Variants in KDM2B observed in about 807,000 individuals in gnomAD.
The protein encoded by KDM2B is lysine demethylase 2B, also known as lysine-specific demethylase 2B.
In KDM2B, 26 loss-of-function variants were observed where a neutral mutation model predicts 150.0. The ratio of observed to expected loss-of-function variants is 0.17; its 90% confidence interval spans 0.13 to 0.24. KDM2B has a LOEUF of 0.24. KDM2B is among the 10% of genes least tolerant of loss of function. KDM2B has a pLI of 1.00. For missense variants in KDM2B, 1,265 were observed against 1,816.9 expected (o/e 0.70, Z 5.52); for synonymous variants, 734 against 729.5 (o/e 1.01, Z -0.10).
chr12:121,579,994 A>T, intron 1 of KDM2B: 6 of 1,516,270 alleles, frequency 4.0e-6, no homozygotes, highest in Non-Finnish European at 5.3e-6. Context: ...ATTTGGAAAA[A>T]AAAAAAAAAA....
intron 12 of KDM2B, among the ~76,000 whole-genome samples, chr12:121,460,529 A>C (rs913893383): frequency 2.0e-5 from 3 of 152,182 alleles, no homozygotes; most frequent in Non-Finnish European, 4.4e-5. Flanking sequence ...CCTCCTTAGT[A>C]GCCGAGATAC....
intron 4 of KDM2B, among the ~76,000 whole-genome samples, chr12:121,573,512 C>T (rs1188721159): frequency 6.6e-6 from 1 of 151,718 alleles, no homozygotes; most frequent in African/African-American, 2.4e-5. Flanking sequence ...TGGGCTCAAG[C>T]GATCTGCCTG....
chr12:121,479,951 TGTTCTCACCCTGCCTAGA>T (rs1489624493), intron 12 of KDM2B, among the ~76,000 whole-genome samples: 1 of 152,004 alleles, frequency 6.6e-6, no homozygotes, highest in Non-Finnish European at 1.5e-5. Context: ...AGGGTCTTGC[TGTTCTCACCCTGCCTAGA>T]GTGCAATGGT....
intron 11 of KDM2B, among the ~76,000 whole-genome samples, chr12:121,503,159 G>A (rs1459135382): frequency 2.6e-5 from 4 of 151,948 alleles, no homozygotes; most frequent in Non-Finnish European, 5.9e-5. Flanking sequence ...TGTATTTTTA[G>A]TAGAGATGGG....
At chr12:121,501,035 G>C (rs1347024100) in intron 11 of KDM2B, among the ~76,000 whole-genome samples, 2 of 151,808 alleles carry the variant, frequency 1.3e-5, no homozygotes, top group Non-Finnish European at 2.9e-5. Flanking sequence ...CAGGAGGCGG[G>C]GGTTGTGGTG....
chr12:121,443,728 G>C lies in KDM2B; in HGVS notation c.2517C>G (p.Ser839Arg). The stretch of plus-strand genomic sequence containing the variant: ...TGGATCTCCACCAGGGGCTGAGGCT[G>C]CTGCCTAGAGGGGGCCTCGGCGAGA... ...SHLSPRPPLG[S>R]SLSPWWRSSL... Residue 839 changes from serine (S) to arginine (R), a missense_variant, in exon 17 of 23, where the codon AGC becomes AGG. Ser to Arg is a moderately radical substitution (Grantham distance 110, BLOSUM62 -1). Around this residue, in one of 11 missense-constraint regions of KDM2B, gnomAD observed 418 missense variants for 402.4 expected, o/e 1.04. Coordinates refer to ENST00000377071, the MANE Select transcript of KDM2B (RefSeq NM_032590.5). 6.2e-7 allele frequency: 1 copy of C among 1,611,880 alleles called. No homozygotes were observed. Among genetic ancestry groups the C allele is most frequent in the Non-Finnish European group, 8.5e-7 (1 of 1,179,804 alleles).
intron 8 of KDM2B, among the ~76,000 whole-genome samples, chr12:121,529,249 G>C (rs1159030690): frequency 2.0e-5 from 3 of 152,184 alleles, no homozygotes; most frequent in Admixed American, 6.5e-5. Context: ...CATCTGAATA[G>C]ACACAGAAAA....
intron 1 of KDM2B, chr12:121,580,254 G>T (rs536991976): frequency 1.7e-5 from 21 of 1,241,576 alleles, no homozygotes; most frequent in Admixed American, 7.9e-5. Flanking sequence ...AGCAGTTGTG[G>T]GGGGGGGGAG....
chr12:121,513,336 A>C lies in KDM2B; in HGVS notation c.1114T>G (p.Tyr372Asp). 1 of 1,613,632 alleles carries C rather than the reference A, an allele frequency of 6.2e-7. No individual in the cohort carries two copies. The highest frequency in any genetic ancestry group is 1.1e-5 in the South Asian group (1 of 91,072). Residue 372 changes from tyrosine (Y) to aspartate (D), a missense_variant, in exon 10 of 23, where the codon TAC (tyrosine) becomes GAC (aspartate). Physicochemically the swap from Tyr to Asp is radical, Grantham distance 160. This residue lies in a region of KDM2B where 214 missense variants were observed against 447.4 expected (regional missense o/e 0.48). Transcript: ENST00000377071. The surrounding 1 kb of genome is among the most constrained non-coding windows in gnomAD (Gnocchi z 5.0). ...AGGTGGGAGCGCTGGGTCACACAGTACACGTATCTCTCCAGGACATACCAG... is the reference window on the plus strand; with the variant it reads ...AGGTGGGAGCGCTGGGTCACACAGTCCACGTATCTCTCCAGGACATACCAG... ...MCWYVLERYV[Y>D]CVTQRSHLTQ...
At chr12:121,458,459 T>C (rs984620003) in intron 12 of KDM2B, among the ~76,000 whole-genome samples, 1 of 148,608 alleles carries the variant, frequency 6.7e-6, no homozygotes, top group Admixed American at 6.8e-5. Flanking sequence ...TATCCTAAAA[T>C]TCATGAAAAT....
intron 4 of KDM2B, among the ~76,000 whole-genome samples, chr12:121,558,057 C>T (rs546522436): frequency 5.9e-5 from 9 of 152,212 alleles, no homozygotes; most frequent in South Asian, 2.1e-4. Flanking sequence ...TCCTAAATAC[C>T]GTATTTCTTG....
intron 11 of KDM2B, among the ~76,000 whole-genome samples, chr12:121,505,455 A>C (rs991443896): frequency 1.2e-4 from 18 of 152,192 alleles, no homozygotes; most frequent in African/African-American, 4.1e-4. Flanking sequence ...CCTGGGCAAC[A>C]CAGCGAGACC....
chr12:121,580,420 GGGC>G (rs1891884297), intron 1 of KDM2B: 15 of 1,157,032 alleles, frequency 1.3e-5, no homozygotes, highest in Non-Finnish European at 1.6e-5. Context: ...GGGAGGCACC[GGGC>G]GCCGTTAGCG....
chr12:121,425,192 C>T (rs1391516168), downstream of KDM2B, among the ~76,000 whole-genome samples: 1 of 151,344 alleles, frequency 6.6e-6, no homozygotes, highest in Non-Finnish European at 1.5e-5. Context: ...CCTGTAATCC[C>T]AACTACTCAG....
At chr12:121,414,683 GT>G in the KDM2B span, among the ~76,000 whole-genome samples, 1 of 151,510 alleles carries the variant, frequency 6.6e-6, no homozygotes, top group African/African-American at 2.4e-5. Flanking sequence ...TGTTGTTGTT[GT>G]TTTTTCGAGA....
In KDM2B at chr12:121,457,735, A is replaced by AAC. The variant is rs1215362738; in HGVS notation, c.1735-4393_1735-4392dup. Among the ~76,000 whole-genome samples, 40 of 113,132 alleles carry AAC rather than the reference A, an allele frequency of 3.5e-4. No homozygotes were observed. The East Asian group carries it at 9.8e-3, about 28-fold the overall frequency. The allele number at this position is 113,132 out of a possible 152,430, so 74.2% of individuals were successfully genotyped here. A position where few individuals can be genotyped will look rare whatever the true frequency, so the allele number is the denominator to read the frequency against. ...ACTATGAAAGGTTAGGAAGATCGGAAACATACACACACACACACACACACA... is the reference window on the plus strand; with the variant it reads ...ACTATGAAAGGTTAGGAAGATCGGAAACACATACACACACACACACACACACA... On this transcript the variant is annotated intron_variant, in intron 12 of 22. Coordinates refer to ENST00000377071, the MANE Select transcript of KDM2B (RefSeq NM_032590.5).
At chr12:121,421,771 G>A in the KDM2B span, among the ~76,000 whole-genome samples, 2 of 152,120 alleles carry the variant, frequency 1.3e-5, no homozygotes, top group South Asian at 2.1e-4. Context: ...TGAATTAGGC[G>A]TGGGCCACCA....
At chr12:121,449,046 G>A (rs1007915808) in intron 13 of KDM2B, among the ~76,000 whole-genome samples, 32 of 152,172 alleles carry the variant, frequency 2.1e-4, no homozygotes, top group African/African-American at 7.2e-4. Context: ...GACTGCAGCG[G>A]GGGGCACAGG....
the KDM2B span, among the ~76,000 whole-genome samples, chr12:121,419,264 C>T: frequency 3.4e-4 from 51 of 152,178 alleles, no homozygotes; most frequent in African/African-American, 1.2e-3. Flanking sequence ...GCTTCGTAGC[C>T]GGCCATGCCC....
Sources: gnomAD v4.1 joint callset for allele counts (sites outside exome capture counted in the v4.1 genomes callset) on GRCh38, gnomAD v4.1.1 for gene constraint, gnomAD v4.1.1 regional missense constraint, Gnocchi (gnomAD v3.1) non-coding constraint, MANE v1.5 for transcripts, NCBI Gene and HGNC (gene_info 2026-07-23, HGNC 2026-07-21) for gene names.